ALOX5: variants seen among roughly 807,000 people sequenced by gnomAD.
ALOX5 encodes the protein polyunsaturated fatty acid 5-lipoxygenase.
A neutral mutation model predicts 87.9 loss-of-function variants in ALOX5; 64 were observed. The observed-to-expected ratio is 0.73, with a 90% CI of 0.60 to 0.90. The LOEUF is 0.90. ALOX5 is among the 40% of genes least tolerant of loss of function. The pLI, the probability that ALOX5 is intolerant of heterozygous loss-of-function variation, is 0.00. For missense variants in ALOX5, 822 were observed against 907.5 expected (o/e 0.91, Z 1.21); for synonymous variants, 388 against 355.1 (o/e 1.09, Z -1.04).
chr10:45,395,091 C>A (rs1480620615), intron 2 of ALOX5, among the ~76,000 whole-genome samples: 1 of 152,188 alleles, frequency 6.6e-6, no homozygotes, highest in African/African-American at 2.4e-5. Flanking sequence ...TTTGACCCAG[C>A]CATCCCATTA....
chr10:45,395,308 G>A (rs1234883251), intron 2 of ALOX5, among the ~76,000 whole-genome samples: 3 of 152,156 alleles, frequency 2.0e-5, no homozygotes, highest in Non-Finnish European at 4.4e-5. Flanking sequence ...CCTTTGTAGG[G>A]ACATGGATGA....
At chr10:45,431,852 G>A (rs1255676803) in intron 7 of ALOX5, among the ~76,000 whole-genome samples, 2 of 152,090 alleles carry the variant, frequency 1.3e-5, no homozygotes, top group African/African-American at 2.4e-5. Context: ...CATTACAGGC[G>A]TGAGCTACCG....
At chr10:45,394,256 G>C (rs530443786) in intron 2 of ALOX5, among the ~76,000 whole-genome samples, 193 of 152,232 alleles carry the variant, frequency 1.3e-3, no homozygotes, top group Non-Finnish European at 2.1e-3. Context: ...CCAAAACAGA[G>C]ATATAGACCA....
At chr10:45,391,621 C>T (rs1425161946) in intron 2 of ALOX5, among the ~76,000 whole-genome samples, 4 of 151,926 alleles carry the variant, frequency 2.6e-5, no homozygotes, top group Admixed American at 2.6e-4. Context: ...CGTCTCTGCC[C>T]GGCCGCCATC....
chr10:45,392,778 C>T (rs1021580745), intron 2 of ALOX5, among the ~76,000 whole-genome samples: 16 of 151,810 alleles, frequency 1.1e-4, no homozygotes, highest in African/African-American at 3.9e-4. Flanking sequence ...GACATCACCA[C>T]GGATTCCACA....
rs567559050 is a variant in ALOX5 at position 45,445,918 on chromosome 10, C to T, written c.*231C>T. On this transcript the variant is annotated 3_prime_UTR_variant, in exon 14 of 14. Coordinates refer to ENST00000374391, the MANE Select transcript of ALOX5 (RefSeq NM_000698.5). ...GACTGCACAGCGTCCTGTCCACACCCAGCTCAGCATTTCCACACCAAGCAG... is the reference window on the plus strand; with the variant it reads ...GACTGCACAGCGTCCTGTCCACACCTAGCTCAGCATTTCCACACCAAGCAG... 1 of 452,664 alleles carries T rather than the reference C, an allele frequency of 2.2e-6. No individual in the cohort carries two copies. Among genetic ancestry groups the T allele is most frequent in the East Asian group, 3.2e-5 (1 of 30,848 alleles). 28.0% of individuals were successfully genotyped at this position (452,664 alleles called of 1,614,324 possible).
chr10:45,433,003 T>C (rs1332706427), intron 7 of ALOX5, among the ~76,000 whole-genome samples: 2 of 152,042 alleles, frequency 1.3e-5, no homozygotes, highest in African/African-American at 2.4e-5. Flanking sequence ...AGAATATGAA[T>C]AGGCAATTCA....
rs766378925 is a variant in ALOX5 at position 45,389,372 on chromosome 10, A to G, written c.350-6483A>G. 3.3e-5 allele frequency among the ~76,000 whole-genome samples: 5 copies of G among 152,264 alleles called. No individual in the cohort carries two copies. In the East Asian group the frequency reaches 9.6e-4, roughly 29 times the overall value. On this transcript the variant is annotated intron_variant, in intron 2 of 13. Transcript: ENST00000374391. ...ACAAAGATACTCCTTGAGAAGAGCAACTCCGAGACACATAATTGTCAGATT... is the reference window on the plus strand; with the variant it reads ...ACAAAGATACTCCTTGAGAAGAGCAGCTCCGAGACACATAATTGTCAGATT...
chr10:45,419,061 C>A (rs982828268), intron 4 of ALOX5, among the ~76,000 whole-genome samples: 1 of 152,178 alleles, frequency 6.6e-6, no homozygotes, highest in African/African-American at 2.4e-5. Context: ...ACCACAGGGG[C>A]GCTTTCCAGT....
chr10:45,442,089 A>G (rs922140321), intron 9 of ALOX5, among the ~76,000 whole-genome samples: 1 of 152,178 alleles, frequency 6.6e-6, no homozygotes, highest in Non-Finnish European at 1.5e-5. Context: ...GCAGCTGGAC[A>G]AGACATGCCT....
intron 1 of ALOX5, 109 bp downstream of exon 1, chr10:45,374,538 G>A (rs1588970725): frequency 2.7e-6 from 3 of 1,123,274 alleles, no homozygotes; most frequent in Middle Eastern, 2.5e-4. Flanking sequence ...GGGCGGCCCG[G>A]ACAGGACTGG....
At position 45,382,592 on chromosome 10, in the gene ALOX5, C is replaced by A. The variant is rs750603646; in HGVS notation, c.260C>A (p.Thr87Lys). The A allele has an allele frequency of 5.0e-6, 8 of 1,614,134 alleles. No individual in the cohort carries two copies. The highest frequency in any genetic ancestry group is 5.9e-6 in the Non-Finnish European group (7 of 1,180,046). ...LNDDWYLKYI[T>K]LKTPHGDYIE... ...GACGACTGGTACCTGAAGTACATCACGCTGAAGACGCCCCACGGGGACTAC... is the reference window on the plus strand; with the variant it reads ...GACGACTGGTACCTGAAGTACATCAAGCTGAAGACGCCCCACGGGGACTAC... Residue 87 changes from threonine to lysine, a missense_variant, in exon 2 of 14, where the codon ACG (threonine) becomes AAG (lysine). Coordinates refer to ENST00000374391, the MANE Select transcript of ALOX5 (RefSeq NM_000698.5).
At chr10:45,393,812 C>T (rs1236951125) in intron 2 of ALOX5, among the ~76,000 whole-genome samples, 4 of 152,134 alleles carry the variant, frequency 2.6e-5, no homozygotes, top group Non-Finnish European at 5.9e-5. Context: ...ACACCAATAA[C>T]AGACAAACAG....
At position 45,425,219 on chromosome 10, in the gene ALOX5, C is replaced by G; in HGVS notation, c.834+87C>G. On this transcript the variant is annotated intron_variant, in intron 6 of 13. Coordinates refer to ENST00000374391, the MANE Select transcript of ALOX5 (RefSeq NM_000698.5). This position sits in a 1 kb window ranked among gnomAD's most constrained non-coding sequence, Gnocchi z 4.4. The stretch of plus-strand genomic sequence containing the variant: ...CTCCTGGCCAGTGCTCATAGGCCAC[C>G]AAGACGCTAACTGCAGGCCCATCTG... 6.9e-7 allele frequency: 1 copy of G among 1,449,760 alleles called. No homozygotes were observed. Among genetic ancestry groups the G allele is most frequent in the Non-Finnish European group, 9.2e-7 (1 of 1,083,726 alleles). 89.8% of individuals were successfully genotyped at this position (1,449,760 alleles called of 1,614,324 possible). A position where few individuals can be genotyped will look rare whatever the true frequency, so the allele number is the denominator to read the frequency against.
At chr10:45,410,450 G>A (rs939742969) in intron 3 of ALOX5, among the ~76,000 whole-genome samples, 1 of 152,144 alleles carries the variant, frequency 6.6e-6, no homozygotes, top group African/African-American at 2.4e-5. Flanking sequence ...GAAATGTAAG[G>A]TGCCACATAA....
chr10:45,442,346 C>T (rs554760774), intron 9 of ALOX5, among the ~76,000 whole-genome samples: 1 of 152,350 alleles, frequency 6.6e-6, no homozygotes, highest in African/African-American at 2.4e-5. Flanking sequence ...ACAGAAAGTG[C>T]TGGGGGGCAG....
intron 4 of ALOX5, among the ~76,000 whole-genome samples, chr10:45,418,710 A>G (rs535376494): frequency 1.3e-5 from 2 of 152,294 alleles, no homozygotes; most frequent in South Asian, 4.1e-4. Context: ...GACTGTGGGC[A>G]CAGGTGTGGC....
chr10:45,420,687 C>A (rs1344999550), intron 4 of ALOX5, among the ~76,000 whole-genome samples: 1 of 152,246 alleles, frequency 6.6e-6, no homozygotes, highest in Non-Finnish European at 1.5e-5. Flanking sequence ...GCACGCAGTT[C>A]CTCCTAGCCA....
At chr10:45,398,279 A>T (rs527634027) in intron 3 of ALOX5, among the ~76,000 whole-genome samples, 12 of 152,342 alleles carry the variant, frequency 7.9e-5, no homozygotes, top group Non-Finnish European at 1.6e-4. Flanking sequence ...TCCTAGCAAA[A>T]CTGGATAGCC....
Sources: gnomAD v4.1 joint callset for allele counts (sites outside exome capture counted in the v4.1 genomes callset) on GRCh38, gnomAD v4.1.1 for gene constraint, Gnocchi (gnomAD v3.1) non-coding constraint, MANE v1.5 for transcripts, NCBI Gene and HGNC (gene_info 2026-07-23, HGNC 2026-07-21) for gene names.